The following TMEM131 variants were observed in gnomAD, a reference collection of about 807,000 sequenced individuals.
TMEM131 encodes transmembrane protein 131, also known as 2610524E03Rik.
Under a neutral mutation model 211.6 loss-of-function variants are expected in TMEM131, and 66 were observed. That is an observed-to-expected ratio of 0.31 (90% CI 0.26 to 0.38). TMEM131 has a LOEUF of 0.38. TMEM131 is among the 10% of genes least tolerant of loss of function. TMEM131 has a pLI of 1.00. For missense variants in TMEM131, 2,036 were observed against 2,299.3 expected (o/e 0.89, Z 2.34); for synonymous variants, 844 against 841.3 (o/e 1.00, Z -0.06).
intron 1 of TMEM131, among the ~76,000 whole-genome samples, chr2:97,990,721 T>C (rs1273285373): frequency 6.6e-6 from 1 of 152,244 alleles, no homozygotes; most frequent in Non-Finnish European, 1.5e-5. Context: ...GACTTCCTCA[T>C]GACATCTGCA....
intron 4 of TMEM131, among the ~76,000 whole-genome samples, chr2:97,887,411 A>G (rs1282352392): frequency 6.6e-6 from 1 of 152,190 alleles, no homozygotes; most frequent in Non-Finnish European, 1.5e-5. Context: ...GTGCAGGGCC[A>G]TTGGGCAGGC....
rs747494339 is a variant in TMEM131, at chr2:97,812,492, T to C, written c.1792A>G (p.Arg598Gly). 2.8e-5 allele frequency: 45 copies of C among 1,613,092 alleles called. No individual in the cohort carries two copies. In the East Asian group the frequency reaches 8.7e-4, roughly 31 times the overall value. ...GLSIELVAVE[R>G]GNRTTIISSL... Reference sequence around the variant, plus strand: ...GAAATTATTGTAGTTCTATTGCCTCTTTCCACAGCTACAAGTTCTATTGAT... The same window carrying C: ...GAAATTATTGTAGTTCTATTGCCTCCTTCCACAGCTACAAGTTCTATTGAT... The change falls in exon 17 of 41, where the codon AGA (arginine) becomes GGA (glycine). Residue 598 changes from arginine (R) to glycine (G), a missense_variant. By Grantham distance (125) the Arg-to-Gly change is moderately radical (BLOSUM62 -2). Transcript: ENST00000186436.
intron 6 of TMEM131, 117 bp from the exon 7 acceptor site, chr2:97,842,054 A>G (rs1406817905): frequency 3.9e-6 from 4 of 1,026,460 alleles, no homozygotes; most frequent in African/African-American, 1.6e-5. Context: ...AAAATTAACA[A>G]TCCCTTTATT....
chr2:97,834,245 T>G (rs1280742928), intron 10 of TMEM131, among the ~76,000 whole-genome samples: 1 of 152,162 alleles, frequency 6.6e-6, no homozygotes, highest in Non-Finnish European at 1.5e-5. Context: ...TTTCAACATT[T>G]TGTCAAAATG....
chr2:97,953,444 A>T (rs1439995203), intron 1 of TMEM131, among the ~76,000 whole-genome samples: 2 of 152,244 alleles, frequency 1.3e-5, no homozygotes, highest in Admixed American at 6.5e-5. Context: ...AGAGACAAAG[A>T]CATTACATAA....
chr2:97,772,485 ATT>A (rs1216072710), intron 32 of TMEM131, 61 bp from the exon 33 acceptor site: 22 of 1,535,592 alleles, frequency 1.4e-5, no homozygotes, highest in African/African-American at 5.6e-5. Context: ...AATTAGTTCC[ATT>A]TTAAGATACA....
chr2:97,980,547 T>A (rs1418420779), intron 1 of TMEM131, among the ~76,000 whole-genome samples: 1 of 152,158 alleles, frequency 6.6e-6, no homozygotes. Context: ...TACCATAGGA[T>A]CCAGACATTC....
At position 97,760,802 on chromosome 2, in the gene TMEM131, TGTC is replaced by T; in HGVS notation, c.4999_5001del (p.Asp1667del). On this transcript the variant is annotated inframe_deletion, in exon 37 of 41. Transcript: ENST00000186436. ...AAGCAAAGGCACTGACCTGGGCTCT[TGTC>T]GTAGCCAGCCGTGACTGCAGCAAAA... 1 of 1,614,016 alleles carries T rather than the reference TGTC, an allele frequency of 6.2e-7. No individual in the cohort carries two copies.
chr2:97,778,842 A>G (rs543175423), intron 31 of TMEM131, among the ~76,000 whole-genome samples: 32 of 152,246 alleles, frequency 2.1e-4, no homozygotes, highest in African/African-American at 7.5e-4. Flanking sequence ...CTTTGCTGGT[A>G]TTCCCTAGAG....
chr2:97,839,135 G>C (rs1683073581), intron 7 of TMEM131, among the ~76,000 whole-genome samples: 1 of 152,156 alleles, frequency 6.6e-6, no homozygotes, highest in African/African-American at 2.4e-5. Flanking sequence ...GGCCAGCCTA[G>C]GCAACATAGT....
chr2:97,943,091 AAGAAAGAAAG>A (rs1165881600), intron 1 of TMEM131, among the ~76,000 whole-genome samples: 61 of 146,022 alleles, frequency 4.2e-4, no homozygotes, highest in African/African-American at 1.2e-3. Context: ...GAAAGAAAGA[AAGAAAGAAAG>A]AGCTGGGTGT....
At chr2:97,770,472 C>T (rs1467608105) in intron 33 of TMEM131, among the ~76,000 whole-genome samples, 3 of 152,182 alleles carry the variant, frequency 2.0e-5, no homozygotes, top group African/African-American at 4.8e-5. Flanking sequence ...TGAGAGAGCA[C>T]CGGTTATTGC....
At chr2:97,919,608 T>C (rs943473665) in intron 2 of TMEM131, among the ~76,000 whole-genome samples, 2 of 152,236 alleles carry the variant, frequency 1.3e-5, no homozygotes, top group African/African-American at 2.4e-5. Flanking sequence ...TTCACCTTTG[T>C]TGCCCAGGCC....
intron 33 of TMEM131, among the ~76,000 whole-genome samples, chr2:97,766,872 G>A (rs1179740578): frequency 2.0e-5 from 3 of 152,102 alleles, no homozygotes; most frequent in East Asian, 3.8e-4. Flanking sequence ...TTAATAATAC[G>A]TAACGTGAGG....
At chr2:97,940,377 G>A (rs927204535) in intron 1 of TMEM131, among the ~76,000 whole-genome samples, 1 of 152,022 alleles carries the variant, frequency 6.6e-6, no homozygotes, top group Non-Finnish European at 1.5e-5. Context: ...ACACCAATAA[G>A]AGACAGAGAG....
At chr2:97,775,376 A>T (rs1679675572) in intron 32 of TMEM131, among the ~76,000 whole-genome samples, 1 of 151,836 alleles carries the variant, frequency 6.6e-6, no homozygotes, top group Admixed American at 6.6e-5. Context: ...GGCGGTCACC[A>T]CTCTACTGCT....
At chr2:97,989,437 G>C (rs1295789774) in intron 1 of TMEM131, among the ~76,000 whole-genome samples, 1 of 152,090 alleles carries the variant, frequency 6.6e-6, no homozygotes, top group African/African-American at 2.4e-5. Context: ...TAGAATGGTG[G>C]TTACCAGGAG....
At chr2:97,905,357 T>C (rs1286152652) in intron 3 of TMEM131, among the ~76,000 whole-genome samples, 4 of 152,200 alleles carry the variant, frequency 2.6e-5, no homozygotes, top group Non-Finnish European at 5.9e-5. Flanking sequence ...TTTTCTTCCC[T>C]GGCTGTTTCT....
rs182739765 is a variant in TMEM131, at chr2:97,886,433, A to G, written c.359+1619T>C. On this transcript the variant is annotated intron_variant, in intron 4 of 40. Coordinates refer to ENST00000186436, the MANE Select transcript of TMEM131 (RefSeq NM_015348.2). ...ATTTCACAGGGAAAGACTTATTCTT[A>G]TAAATGGGTCTTGGAGTGTCAGATT... Among the ~76,000 whole-genome samples, 4 of 152,224 alleles carry G rather than the reference A, an allele frequency of 2.6e-5. No individual in the cohort carries two copies. The East Asian group carries it at 7.7e-4, about 29-fold the overall frequency.
Sources: gnomAD v4.1 joint callset for allele counts (sites outside exome capture counted in the v4.1 genomes callset) on GRCh38, gnomAD v4.1.1 for gene constraint, MANE v1.5 for transcripts, NCBI Gene and HGNC (gene_info 2026-07-23, HGNC 2026-07-21) for gene names.